Variants in POC1B observed in about 807,000 individuals in gnomAD.
The protein encoded by POC1B is POC1 centriolar protein homolog B.
Under a neutral mutation model 60.6 loss-of-function variants are expected in POC1B, and 44 were observed. That is an observed-to-expected ratio of 0.73 (90% CI 0.57 to 0.93). The LOEUF (loss-of-function observed/expected upper bound fraction) is 0.93, where lower values mean the gene tolerates loss of function less well. POC1B is among the 40% of genes least tolerant of loss of function. The probability of loss-of-function intolerance (pLI) is 0.00; values close to 1 mark genes in which losing one functional copy is unlikely to be tolerated. For missense variants in POC1B, 555 were observed against 572.3 expected, an observed-to-expected ratio of 0.97 and a Z score of 0.31; for synonymous variants, 180 against 198.9, an observed-to-expected ratio of 0.90 and a Z score of 0.80.
intron 2 of POC1B, among the ~76,000 whole-genome samples, chr12:89,504,268 T>C (rs1869783202): frequency 6.6e-6 from 1 of 152,226 alleles, no homozygotes; most frequent in Non-Finnish European, 1.5e-5. Context: ...TAAGAAAGAT[T>C]CTTCTGCTTT....
chr12:89,443,665 T>C (rs1236268443), intron 10 of POC1B, among the ~76,000 whole-genome samples: 1 of 151,236 alleles, frequency 6.6e-6, no homozygotes, highest in East Asian at 1.9e-4. Context: ...AGATCTAAAA[T>C]TGACACCCTA....
At chr12:89,419,053 A>G (rs1195841809), downstream of POC1B, among the ~76,000 whole-genome samples, 1 of 151,992 alleles carries the variant, frequency 6.6e-6, no homozygotes, top group African/African-American at 2.4e-5. Flanking sequence ...GTGAAGAAGA[A>G]TCAAAGAGGA....
intron 2 of POC1B, chr12:89,502,584 C>G: frequency 1.6e-6 from 2 of 1,222,298 alleles, no homozygotes; most frequent in South Asian, 2.5e-5. Flanking sequence ...TTGCAGCCAG[C>G]AATGGTAAAG....
At chr12:89,519,086 T>C (rs1028516069) in intron 2 of POC1B, among the ~76,000 whole-genome samples, 10 of 152,152 alleles carry the variant, frequency 6.6e-5, no homozygotes, top group African/African-American at 2.4e-4. Context: ...CAGACATTTT[T>C]GTTTTCCACC....
At position 89,491,126 on chromosome 12, in the gene POC1B, C is replaced by T. The variant is rs377086746; in HGVS notation, c.452+810G>A. On this transcript the variant is annotated intron_variant, in intron 4 of 11. Coordinates refer to ENST00000313546, the MANE Select transcript of POC1B (RefSeq NM_172240.3). ...CTCCCTGGGGCCCCTCCTACATCCC[C>T]ACCCACCCTCACCTGTGCTTTTCCT... Among the ~76,000 whole-genome samples, 5 of 152,264 alleles carry T rather than the reference C, an allele frequency of 3.3e-5. No individual in the cohort carries two copies. In the East Asian group the frequency reaches 7.7e-4, roughly 24 times the overall value.
At chr12:89,506,836 T>A (rs535539658) in intron 2 of POC1B, among the ~76,000 whole-genome samples, 97 of 152,212 alleles carry the variant, frequency 6.4e-4, no homozygotes, top group African/African-American at 2.2e-3. Context: ...CAGAAAGCTG[T>A]GAAACTCACT....
chr12:89,449,523 G>C (rs1348305942), intron 10 of POC1B, among the ~76,000 whole-genome samples: 1 of 151,956 alleles, frequency 6.6e-6, no homozygotes, highest in Non-Finnish European at 1.5e-5. Context: ...AGAAAAAAGG[G>C]GAAACAATTC....
In POC1B at chr12:89,444,709, C is replaced by T. The variant is rs528730187; in HGVS notation, c.1113+14929G>A. 5.1e-3 allele frequency among the ~76,000 whole-genome samples: 779 copies of T among 152,230 alleles called. 10 individuals are homozygous for T. Among genetic ancestry groups the T allele is most frequent in the African/African-American group, 0.018 (730 of 41,508 alleles). On this transcript the variant is annotated intron_variant, in intron 10 of 11. Transcript: ENST00000313546. ...GAAAACTGGCACAAGACAGGGATGC[C>T]CTCTCTCACCACTCCAATTGAACAT...
chr12:89,436,773 A>T (rs1368701198), intron 10 of POC1B, among the ~76,000 whole-genome samples: 2 of 152,114 alleles, frequency 1.3e-5, no homozygotes, highest in Admixed American at 1.3e-4. Flanking sequence ...TCTTTTAATG[A>T]TGCCTCTTGA....
chr12:89,486,827 A>C (rs1037800680), intron 4 of POC1B, among the ~76,000 whole-genome samples: 1 of 152,124 alleles, frequency 6.6e-6, no homozygotes, highest in South Asian at 2.1e-4. Context: ...CTTCCTATGG[A>C]AAGCATCTTT....
In POC1B at chr12:89,517,632, CA is replaced by C. The variant is rs113256657; in HGVS notation, c.100+7487del. On this transcript the variant is annotated intron_variant, in intron 2 of 11. Transcript: ENST00000313546. ...TGGGCAACAGAGTGAGACTTGGTCTCAAAAAAAAAAAAGAAAAAAGCATTCT... is the reference window on the plus strand; with the variant it reads ...TGGGCAACAGAGTGAGACTTGGTCTCAAAAAAAAAAAGAAAAAAGCATTCT... Among the ~76,000 whole-genome samples, 1,207 of 138,876 alleles carry C rather than the reference CA, an allele frequency of 8.7e-3. 12 individuals are homozygous for C. Among genetic ancestry groups the C allele is most frequent in the African/African-American group, 0.026 (990 of 37,852 alleles). The allele number at this position is 138,876 out of a possible 152,430, so 91.1% of individuals were successfully genotyped here.
intron 10 of POC1B, among the ~76,000 whole-genome samples, chr12:89,457,256 C>T (rs7308258): frequency 0.49 from 74,935 of 152,000 alleles, 18,648 homozygotes; most frequent in East Asian, 0.58. Flanking sequence ...AAAAGAGAAA[C>T]TGTCAGTGTA....
At chr12:89,404,848 T>A in the POC1B span, among the ~76,000 whole-genome samples, 1 of 152,146 alleles carries the variant, frequency 6.6e-6, no homozygotes, top group African/African-American at 2.4e-5. Context: ...TGTTCTCTTC[T>A]CCAGGTAAAG....
chr12:89,501,350 C>A, intron 2 of POC1B: 1 of 998,806 alleles, frequency 1.0e-6, no homozygotes, highest in Non-Finnish European at 1.6e-6. Context: ...AGCAAAAGGA[C>A]TATAAAACAA....
At chr12:89,518,029 C>G (rs1476421397) in intron 2 of POC1B, among the ~76,000 whole-genome samples, 2 of 151,378 alleles carry the variant, frequency 1.3e-5, no homozygotes, top group African/African-American at 4.9e-5. Flanking sequence ...AAGCTTGGCA[C>G]GAATGAAAAA....
intron 10 of POC1B, among the ~76,000 whole-genome samples, chr12:89,438,593 T>C (rs1377826236): frequency 2.0e-5 from 3 of 152,256 alleles, no homozygotes; most frequent in African/African-American, 4.8e-5. Context: ...GAAACTATCC[T>C]TCCTTGGCTG....
At position 89,470,438 on chromosome 12, in the gene POC1B, T is replaced by G. The variant is rs1193855555; in HGVS notation, c.733A>C (p.Thr245Pro). The change falls in exon 7 of 12, where the codon ACA (threonine) becomes CCA (proline). Residue 245 changes from threonine to proline, a missense_variant. Transcript: ENST00000313546. ...TTAAGGGTACCATCTGAAGAAGCTG[T>G]GATGAGATAGTTACCCGAAGGATGG... ...SFHPSGNYLI[T>P]ASSDGTLKIL... The G allele has an allele frequency of 6.2e-7, 1 of 1,607,548 alleles. No individual in the cohort carries two copies. Among genetic ancestry groups the G allele is most frequent in the African/African-American group, 1.3e-5 (1 of 74,856 alleles).
intron 11 of POC1B, among the ~76,000 whole-genome samples, chr12:89,424,356 T>A (rs1362149089): frequency 6.6e-6 from 1 of 152,236 alleles, no homozygotes; most frequent in Non-Finnish European, 1.5e-5. Context: ...ATGATTATAA[T>A]GTACAGTCAG....
intron 10 of POC1B, 132 bp downstream of exon 10, chr12:89,459,506 C>G: frequency 2.5e-6 from 1 of 405,060 alleles, no homozygotes; most frequent in Admixed American, 4.6e-5. Context: ...TAAAGTTTTT[C>G]CTATACTAAA....
Sources: gnomAD v4.1 joint callset for allele counts (sites outside exome capture counted in the v4.1 genomes callset) on GRCh38, gnomAD v4.1.1 for gene constraint, MANE v1.5 for transcripts, NCBI Gene and HGNC (gene_info 2026-07-23, HGNC 2026-07-21) for gene names.